PRDM5: variants seen among roughly 807,000 people sequenced by gnomAD.
The protein encoded by PRDM5 is PR/SET domain 5.
A neutral mutation model predicts 81.2 loss-of-function variants in PRDM5; 56 were observed. The observed-to-expected ratio is 0.69, with a 90% CI of 0.56 to 0.86. PRDM5 has a LOEUF of 0.86. Among genes scored for constraint, PRDM5 ranks in the 40% least tolerant of loss-of-function variants. The pLI, the probability that PRDM5 is intolerant of heterozygous loss-of-function variation, is 0.00. For synonymous variants in PRDM5, 267 were observed against 256.4 expected (o/e 1.04, Z -0.39); for missense variants, 697 against 770.1 (o/e 0.91, Z 1.12).
rs1296561436 is a variant in PRDM5 at position 120,893,086 on chromosome 4, CAA to C, written c.177+14386_177+14387del. Among the ~76,000 whole-genome samples the C allele has an allele frequency of 2.0e-5, 3 of 152,182 alleles. No homozygotes were observed. In the South Asian group the frequency reaches 6.2e-4, roughly 31 times the overall value. ...AGGTTTATTAAAGTCCCCTTGGACT[CAA>C]AAGAGTTGCCCATGAAAAACATCCT... On this transcript the variant is annotated intron_variant, in intron 2 of 15. Transcript: ENST00000264808.
intron 2 of PRDM5, among the ~76,000 whole-genome samples, chr4:120,889,889 CT>C (rs778311924): frequency 2.6e-5 from 4 of 152,070 alleles, no homozygotes; most frequent in Non-Finnish European, 5.9e-5. Flanking sequence ...TGATCTAGTT[CT>C]TTTTTATGGC....
intron 13 of PRDM5, among the ~76,000 whole-genome samples, chr4:120,760,123 T>C (rs896114112): frequency 6.6e-6 from 1 of 152,218 alleles, no homozygotes; most frequent in Non-Finnish European, 1.5e-5. Flanking sequence ...CCTCATGCCA[T>C]CACATAAATT....
chr4:120,831,913 T>A (rs1756766278), intron 3 of PRDM5, among the ~76,000 whole-genome samples: 5 of 152,074 alleles, frequency 3.3e-5, no homozygotes, highest in Admixed American at 3.3e-4. Flanking sequence ...TTGGTCCACA[T>A]CACATCAAAA....
chr4:120,779,140 A>G (rs1748627356), intron 12 of PRDM5, among the ~76,000 whole-genome samples: 1 of 152,132 alleles, frequency 6.6e-6, no homozygotes, highest in Non-Finnish European at 1.5e-5. Context: ...AAACTAAAGG[A>G]TATTAGGGTT....
intron 3 of PRDM5, among the ~76,000 whole-genome samples, chr4:120,827,110 T>G (rs974541681): frequency 6.6e-6 from 1 of 152,190 alleles, no homozygotes; most frequent in African/African-American, 2.4e-5. Context: ...ACAAATCGAC[T>G]CGCAAAGCCC....
chr4:120,914,053 AG>A lies in PRDM5; in HGVS notation c.94-6497del, dbSNP rs561874421. Among the ~76,000 whole-genome samples the A allele has an allele frequency of 1.0e-3, 155 of 152,318 alleles. 1 individual carries two copies. The highest frequency in any genetic ancestry group is 3.5e-3 in the African/African-American group (145 of 41,564). The stretch of plus-strand genomic sequence containing the variant: ...CCAAGGGATACAGCCCATACAAAGG[AG>A]CAGAGCTGCTAGAAAAAGGAAGATA... On this transcript the variant is annotated intron_variant, in intron 1 of 15. Coordinates refer to ENST00000264808, the MANE Select transcript of PRDM5 (RefSeq NM_018699.4).
At chr4:120,811,299 T>C in intron 8 of PRDM5, 71 bp downstream of exon 8, 1 of 1,023,006 alleles carries the variant, frequency 9.8e-7, no homozygotes. Context: ...GTAACTTTTA[T>C]ACTTACTATA....
At chr4:120,864,515 TC>T (rs1210683823) in intron 2 of PRDM5, among the ~76,000 whole-genome samples, 2 of 152,062 alleles carry the variant, frequency 1.3e-5, no homozygotes, top group Non-Finnish European at 2.9e-5. Context: ...ACACAGCAAA[TC>T]CTTTCTAAAT....
chr4:120,816,053 G>A (rs11941156), intron 7 of PRDM5: 11,252 of 221,524 alleles, frequency 0.051, 585 homozygotes, highest in African/African-American at 0.15. Flanking sequence ...ATTTTCACAA[G>A]TTGGATTTTT....
intron 3 of PRDM5, among the ~76,000 whole-genome samples, chr4:120,849,132 C>T (rs1363785611): frequency 6.6e-6 from 1 of 152,086 alleles, no homozygotes; most frequent in African/African-American, 2.4e-5. Context: ...GTTGGTACTG[C>T]TGCTATTTGA....
At chr4:120,849,639 C>CTT (rs1759042508) in intron 3 of PRDM5, among the ~76,000 whole-genome samples, 1 of 152,110 alleles carries the variant, frequency 6.6e-6, no homozygotes, top group Non-Finnish European at 1.5e-5. Context: ...TGTAGCACTC[C>CTT]ATCTCTGAAA....
At chr4:120,809,588 A>G (rs751245380) in intron 8 of PRDM5, among the ~76,000 whole-genome samples, 4 of 152,248 alleles carry the variant, frequency 2.6e-5, no homozygotes, top group Non-Finnish European at 5.9e-5. Flanking sequence ...ATTATTTTCA[A>G]GAAGAATCAT....
chr4:120,754,423 A>C (rs1444358190), intron 14 of PRDM5, 130 bp downstream of exon 14: 7 of 558,430 alleles, frequency 1.3e-5, no homozygotes, highest in Non-Finnish European at 2.1e-5. Flanking sequence ...ATCCTGAAAT[A>C]TCTGTCATAA....
At chr4:120,716,649 C>CT (rs1560954764) in intron 14 of PRDM5, among the ~76,000 whole-genome samples, 7 of 151,922 alleles carry the variant, frequency 4.6e-5, no homozygotes, top group African/African-American at 1.7e-4. Context: ...TAATTCATGG[C>CT]AGATACTAGT....
At chr4:120,686,210 G>T (rs1213548768) in intron 1 of PRDM5, among the ~76,000 whole-genome samples, 1 of 146,660 alleles carries the variant, frequency 6.8e-6, no homozygotes, top group African/African-American at 2.4e-5. Context: ...TTAAACATTT[G>T]TTTCTTTATA....
chr4:120,892,064 T>C (rs1021669945), intron 2 of PRDM5, among the ~76,000 whole-genome samples: 1 of 152,248 alleles, frequency 6.6e-6, no homozygotes, highest in African/African-American at 2.4e-5. Flanking sequence ...TTTCATTGTT[T>C]ATACAAAAGT....
At position 120,693,049 on chromosome 4, in the gene PRDM5, T is replaced by A. The variant is rs1337065619; in HGVS notation, c.*2062A>T. On this transcript the variant is annotated 3_prime_UTR_variant, in exon 16 of 16. Transcript: ENST00000264808. ...TACCACTCTCTGGTGTAGGTCCTTC[T>A]ACACCATTTTCTAAAGATTTCCATG... 3 of 151,896 alleles carry A rather than the reference T, an allele frequency of 2.0e-5. No individual in the cohort carries two copies. The highest frequency in any genetic ancestry group is 7.3e-5 in the African/African-American group (3 of 41,352). The allele number at this position is 151,896 out of a possible 1,614,324, so 9.4% of individuals were successfully genotyped here.
chr4:120,921,679 C>T (rs1277867106), intron 1 of PRDM5, among the ~76,000 whole-genome samples: 1 of 152,190 alleles, frequency 6.6e-6, no homozygotes, highest in East Asian at 1.9e-4. Context: ...ACGACTCTAA[C>T]AAGTTATAAT....
intron 15 of PRDM5, among the ~76,000 whole-genome samples, chr4:120,699,511 G>C (rs756792730): frequency 3.9e-5 from 6 of 152,074 alleles, no homozygotes; most frequent in Non-Finnish European, 8.8e-5. Flanking sequence ...CCTTGGGACT[G>C]TCAGCCAACC....
Sources: gnomAD v4.1 joint callset for allele counts (sites outside exome capture counted in the v4.1 genomes callset) on GRCh38, gnomAD v4.1.1 for gene constraint, MANE v1.5 for transcripts, NCBI Gene and HGNC (gene_info 2026-07-23, HGNC 2026-07-21) for gene names.